EYS: variants seen among roughly 807,000 people sequenced by gnomAD.
EYS encodes EGF-like photoreceptor maintenance factor, also known as protein eyes shut homolog.
Under a neutral mutation model 282.1 loss-of-function variants are expected in EYS, and 250 were observed. The observed-to-expected ratio is 0.89, with a 90% CI of 0.80 to 0.98. EYS has a LOEUF of 0.98. Among genes scored for constraint, EYS ranks in the 50% least tolerant of loss-of-function variants. The pLI, the probability that EYS is intolerant of heterozygous loss-of-function variation, is 0.00. For synonymous variants in EYS, 1,355 were observed against 1,282.9 expected (o/e 1.06, Z -1.20); for missense variants, 4,016 against 3,709.0 (o/e 1.08, Z -2.15).
rs1767684916 is a variant in EYS at position 64,902,106 on chromosome 6, T to C, written c.2846+7A>G. 1 of 1,521,312 alleles carries C rather than the reference T, an allele frequency of 6.6e-7. No homozygotes were observed. The allele number at this position is 1,521,312 out of a possible 1,614,324, so 94.2% of individuals were successfully genotyped here. On this transcript the variant is annotated splice_region_variant and intron_variant, in intron 18 of 42. Transcript: ENST00000503581. The stretch of plus-strand genomic sequence containing the variant: ...AATAATTAATTTAATAAAAAGTAGC[T>C]TCTCACCTGTTTGTCAGATCCACAC...
chr6:63,961,780 T>C (rs1362006962), intron 35 of EYS, among the ~76,000 whole-genome samples: 1 of 152,104 alleles, frequency 6.6e-6, no homozygotes, highest in Non-Finnish European at 1.5e-5. Context: ...TTCTAAGTAT[T>C]ATCACATTGG....
intron 26 of EYS, among the ~76,000 whole-genome samples, chr6:64,588,893 A>C (rs574398589): frequency 6.6e-6 from 1 of 152,146 alleles, no homozygotes; most frequent in East Asian, 1.9e-4. Context: ...GGTCAAAATA[A>C]AGAATAGTTG....
In EYS at chr6:65,620,965, A is replaced by T. The variant is rs371237271; in HGVS notation, c.-333+18813T>A. Among the ~76,000 whole-genome samples the T allele has an allele frequency of 9.5e-4, 145 of 152,288 alleles. 2 individuals are homozygous for T. The East Asian group carries it at 0.024, about 25-fold the overall frequency. On this transcript the variant is annotated intron_variant, in intron 2 of 42. Transcript: ENST00000503581. The stretch of plus-strand genomic sequence containing the variant: ...TTTTACATTTGCTGAGGACAGCTTT[A>T]CTTCCAACTATGTGGTCAATTTTGG...
At chr6:65,552,222 A>C (rs4460199) in intron 2 of EYS, among the ~76,000 whole-genome samples, 83,457 of 151,938 alleles carry the variant, frequency 0.55, 22,951 homozygotes, top group East Asian at 0.71. Context: ...TGGCATCTCA[A>C]ACTTGTTATC....
In EYS at chr6:63,896,881, C is replaced by T. The variant is rs113094578; in HGVS notation, c.7056-32523G>A. On this transcript the variant is annotated intron_variant, in intron 35 of 42. Transcript: ENST00000503581. ...CGGTTCCTCTATTTTTTTCACGTCT[C>T]AATAGGTCATTTCCTTTTCCATTCT... 7.1e-3 allele frequency among the ~76,000 whole-genome samples: 1,081 copies of T among 152,190 alleles called. 15 individuals carry two copies. The highest frequency in any genetic ancestry group is 0.025 in the South Asian group (119 of 4,826).
chr6:64,882,095 C>A (rs1044475417), intron 19 of EYS, among the ~76,000 whole-genome samples: 1 of 151,624 alleles, frequency 6.6e-6, no homozygotes, highest in African/African-American at 2.4e-5. Flanking sequence ...ACAGCTTGGA[C>A]ATAGTAAGCA....
chr6:64,070,807 A>G (rs1771544596), intron 32 of EYS, among the ~76,000 whole-genome samples: 1 of 152,066 alleles, frequency 6.6e-6, no homozygotes, highest in Non-Finnish European at 1.5e-5. Context: ...TTGAGTGGAC[A>G]GTGGAAAAGA....
chr6:65,249,622 C>T (rs1363785352), intron 12 of EYS, among the ~76,000 whole-genome samples: 1 of 151,454 alleles, frequency 6.6e-6, no homozygotes, highest in African/African-American at 2.4e-5. Flanking sequence ...AGTCTCTTGT[C>T]TGCGAACACA....
intron 10 of EYS, among the ~76,000 whole-genome samples, chr6:65,340,652 A>AC (rs1419841043): frequency 1.3e-5 from 2 of 150,480 alleles, no homozygotes; most frequent in Non-Finnish European, 3.0e-5. Flanking sequence ...CCCACTAAAT[A>AC]CCCTCTACAA....
At chr6:65,015,384 A>T (rs549323217) in intron 13 of EYS, among the ~76,000 whole-genome samples, 2 of 152,224 alleles carry the variant, frequency 1.3e-5, no homozygotes, top group Non-Finnish European at 2.9e-5. Context: ...TTGAAATAAC[A>T]TCTCCATAGG....
chr6:64,144,715 G>T (rs1200921777), intron 31 of EYS, among the ~76,000 whole-genome samples: 2 of 152,190 alleles, frequency 1.3e-5, no homozygotes, highest in Admixed American at 1.3e-4. Context: ...ACTACAGCCA[G>T]GGAGGGCTGG....
At chr6:64,434,458 A>G (rs191504385) in intron 28 of EYS, among the ~76,000 whole-genome samples, 2 of 152,030 alleles carry the variant, frequency 1.3e-5, no homozygotes, top group South Asian at 4.1e-4. Flanking sequence ...TGTGTTAATT[A>G]ATATTGTTGT....
rs1036343231 is a variant in EYS, at chr6:65,442,869, T to C, written c.863-37502A>G. Among the ~76,000 whole-genome samples, 7 of 101,132 alleles carry C rather than the reference T, an allele frequency of 6.9e-5. 2 individuals are homozygous for C. The highest frequency in any genetic ancestry group is 1.7e-4 in the Non-Finnish European group (7 of 40,906). 66.3% of individuals were successfully genotyped at this position (101,132 alleles called of 152,430 possible). On this transcript the variant is annotated intron_variant, in intron 5 of 42. Transcript: ENST00000503581. ...ACACATACATATGTACATATATACA[T>C]ACATATACACATACATATGTACATA... is the stretch of plus-strand genomic sequence containing the variant.
chr6:63,985,357 C>T (rs972713199), intron 34 of EYS, among the ~76,000 whole-genome samples: 9 of 151,602 alleles, frequency 5.9e-5, no homozygotes, highest in African/African-American at 2.2e-4. Flanking sequence ...TGGAAAGAAC[C>T]CTACAGTTCT....
In EYS at chr6:63,928,559, C is replaced by T. The variant is rs138026054; in HGVS notation, c.7055+55824G>A. On this transcript the variant is annotated intron_variant, in intron 35 of 42. Transcript: ENST00000503581. ...GTGTGTGTGTGTGTGTGTGCGTGTG[C>T]GCATGCGTAGGTGCTGAGGTGGGCA... 1.6e-3 allele frequency among the ~76,000 whole-genome samples: 237 copies of T among 151,636 alleles called. 3 individuals are homozygous for T. The highest frequency in any genetic ancestry group is 5.5e-3 in the African/African-American group (226 of 41,330).
rs536843125 is a variant in EYS, at chr6:65,501,013, G to A, written c.-332-5020C>T. Among the ~76,000 whole-genome samples, 4 of 151,960 alleles carry A rather than the reference G, an allele frequency of 2.6e-5. No individual in the cohort carries two copies. The East Asian group carries it at 7.7e-4, about 29-fold the overall frequency. ...TTTTTAACATGCTTAAATGTTTAGG[G>A]ATTAAATTTAATATGTCAGTATTTT... On this transcript the variant is annotated intron_variant, in intron 2 of 42. Coordinates refer to ENST00000503581, the MANE Select transcript of EYS (RefSeq NM_001142800.2).
chr6:64,383,282 CAA>C (rs1772809882), intron 29 of EYS, among the ~76,000 whole-genome samples: 1 of 152,022 alleles, frequency 6.6e-6, no homozygotes, highest in South Asian at 2.1e-4. Context: ...GCCTGGGTGA[CAA>C]AAGTGAGAAC....
At chr6:65,648,716 A>AG (rs1304007710) in intron 1 of EYS, among the ~76,000 whole-genome samples, 1 of 150,646 alleles carries the variant, frequency 6.6e-6, no homozygotes, top group Non-Finnish European at 1.5e-5. Flanking sequence ...ATAAAAAAAA[A>AG]ATCAATTTAT....
intron 29 of EYS, among the ~76,000 whole-genome samples, chr6:64,356,738 G>A (rs1431658735): frequency 6.6e-6 from 1 of 151,584 alleles, no homozygotes; most frequent in Admixed American, 6.6e-5. Flanking sequence ...ACACAGTTTC[G>A]AAGAAATATG....
Sources: gnomAD v4.1 joint callset for allele counts (sites outside exome capture counted in the v4.1 genomes callset) on GRCh38, gnomAD v4.1.1 for gene constraint, MANE v1.5 for transcripts, NCBI Gene and HGNC (gene_info 2026-07-23, HGNC 2026-07-21) for gene names.